The following ARHGEF7 variants were observed in gnomAD, a reference collection of about 807,000 sequenced individuals.
ARHGEF7 encodes Rho guanine nucleotide exchange factor 7.
Under a neutral mutation model 109.8 loss-of-function variants are expected in ARHGEF7, and 33 were observed. That is an observed-to-expected ratio of 0.30 (90% CI 0.23 to 0.40). The LOEUF is 0.40. Ranked by LOEUF, ARHGEF7 falls within the 10% of genes least tolerant of loss-of-function variation. The probability of loss-of-function intolerance (pLI) is 1.00; values close to 1 mark genes in which losing one functional copy is unlikely to be tolerated. For synonymous variants in ARHGEF7, 458 were observed against 424.6 expected (o/e 1.08, Z -0.97); for missense variants, 938 against 1,098.5 (o/e 0.85, Z 2.07).
intron 4 of ARHGEF7, among the ~76,000 whole-genome samples, chr13:111,211,961 C>T (rs923443598): frequency 2.6e-5 from 4 of 152,152 alleles, no homozygotes; most frequent in Non-Finnish European, 5.9e-5. Context: ...ACGCTTCCAT[C>T]CCCCAGGCGA....
At chr13:111,168,914 A>G (rs531351210) in intron 2 of ARHGEF7, among the ~76,000 whole-genome samples, 9 of 152,298 alleles carry the variant, frequency 5.9e-5, no homozygotes, top group Non-Finnish European at 1.2e-4. Context: ...TGCTTCTATA[A>G]TATGTTCTTT....
chr13:111,186,657 C>CA (rs1367667076), intron 2 of ARHGEF7, among the ~76,000 whole-genome samples: 1 of 152,178 alleles, frequency 6.6e-6, no homozygotes, highest in Non-Finnish European at 1.5e-5. Context: ...AGTGATAGGA[C>CA]AAAATTATAT....
rs140091441 is a variant in ARHGEF7, at chr13:111,161,277, C to T, written c.252+7286C>T. Among the ~76,000 whole-genome samples the T allele has an allele frequency of 4.3e-3, 650 of 152,244 alleles. 6 individuals are homozygous for T. Among genetic ancestry groups the T allele is most frequent in the African/African-American group, 0.015 (631 of 41,536 alleles). On this transcript the variant is annotated intron_variant, in intron 2 of 21. Coordinates refer to ENST00000646102, the MANE Select transcript of ARHGEF7 (RefSeq NM_001354046.2). ...TGACTTTGATCTTCAGCTGATTTCT[C>T]CTTTTTTGATTCAGGGTTATTGCTC... is the stretch of plus-strand genomic sequence containing the variant.
In ARHGEF7 at chr13:111,241,359, C is replaced by T. The variant is rs773676451; in HGVS notation, c.760-2513C>T. 92 of 1,535,640 alleles carry T rather than the reference C, an allele frequency of 6.0e-5. No individual in the cohort carries two copies. In the South Asian group the frequency reaches 8.2e-4, roughly 14 times the overall value. On this transcript the variant is annotated intron_variant, in intron 6 of 21. Coordinates refer to ENST00000646102, the MANE Select transcript of ARHGEF7 (RefSeq NM_001354046.2). The stretch of plus-strand genomic sequence containing the variant: ...GTGGTAAGTGGCACCCCCGGCTGCG[C>T]CCCGAGGTCAGGAAGGCCAGCAACC...
intron 5 of ARHGEF7, among the ~76,000 whole-genome samples, chr13:111,231,117 C>T (rs768291954): frequency 1.3e-5 from 2 of 152,116 alleles, no homozygotes; most frequent in Admixed American, 6.6e-5. Context: ...GGCTTATGAT[C>T]GCAGTGGCTG....
At chr13:111,260,918 T>G (rs1374436496) in intron 8 of ARHGEF7, among the ~76,000 whole-genome samples, 1 of 152,236 alleles carries the variant, frequency 6.6e-6, no homozygotes, top group Admixed American at 6.5e-5. Flanking sequence ...CAATCAATGT[T>G]GTCATTTAAA....
At chr13:111,199,016 A>G (rs1041817517) in intron 2 of ARHGEF7, among the ~76,000 whole-genome samples, 3 of 152,188 alleles carry the variant, frequency 2.0e-5, no homozygotes, top group African/African-American at 7.2e-5. Flanking sequence ...TTAGCTAGAC[A>G]CATAGTGCTG....
chr13:111,234,279 A>G (rs1330150809), intron 6 of ARHGEF7, among the ~76,000 whole-genome samples: 1 of 152,214 alleles, frequency 6.6e-6, no homozygotes, highest in Non-Finnish European at 1.5e-5. Context: ...GAGTCTGAGC[A>G]GCTCCACCAC....
At position 111,279,895 on chromosome 13, in the gene ARHGEF7, A is replaced by T. The variant is rs12867272; in HGVS notation, c.1507-377A>T. ...CTCTGCATTTCTTTACGAGGAAAAT[A>T]CATGGTTCTTTTCTGCAAAAACATC... On this transcript the variant is annotated intron_variant, in intron 13 of 21. Transcript: ENST00000646102. Among the ~76,000 whole-genome samples, 7 of 152,250 alleles carry T rather than the reference A, an allele frequency of 4.6e-5. 1 individual carries two copies. The highest frequency in any genetic ancestry group is 8.8e-5 in the Non-Finnish European group (6 of 68,048).
chr13:111,166,038 T>G (rs2077097474), intron 2 of ARHGEF7, among the ~76,000 whole-genome samples: 1 of 152,210 alleles, frequency 6.6e-6, no homozygotes, highest in African/African-American at 2.4e-5. Context: ...CTGTCACATC[T>G]GGTTCATCTT....
chr13:111,245,110 C>T (rs775422777), intron 8 of ARHGEF7, among the ~76,000 whole-genome samples: 42 of 152,196 alleles, frequency 2.8e-4, no homozygotes, highest in Non-Finnish European at 4.6e-4. Context: ...AGAATTGGGC[C>T]CTTCCTGTTG....
At chr13:111,241,186 G>T in intron 6 of ARHGEF7, 2 of 1,536,014 alleles carry the variant, frequency 1.3e-6, no homozygotes, top group South Asian at 1.2e-5. Context: ...TCAGCACTGT[G>T]GGTCGTAAAA....
chr13:111,302,204 C>G (rs1019909987), intron 21 of ARHGEF7, among the ~76,000 whole-genome samples: 1 of 152,166 alleles, frequency 6.6e-6, no homozygotes, highest in East Asian at 1.9e-4. Flanking sequence ...CAAGGGTGTT[C>G]TGGGTATTGC....
chr13:111,122,134 G>T (rs2067239815), intron 1 of ARHGEF7, among the ~76,000 whole-genome samples: 1 of 152,222 alleles, frequency 6.6e-6, no homozygotes, highest in African/African-American at 2.4e-5. Context: ...CCATTGTCTG[G>T]GTTGGTGGGC....
Position 111,272,595 on chromosome 13 carries a change from C to T in ARHGEF7, c.1074-1219C>T, listed in dbSNP as rs1336824076. Among the ~76,000 whole-genome samples the T allele has an allele frequency of 6.6e-6, 1 of 152,166 alleles. No homozygotes were observed. Among genetic ancestry groups the T allele is most frequent in the African/African-American group, 2.4e-5 (1 of 41,440 alleles). On this transcript the variant is annotated intron_variant, in intron 9 of 21. Transcript: ENST00000646102. The surrounding 1 kb of genome is among the most constrained non-coding windows in gnomAD (Gnocchi z 5.2). ...TGGGTATCATTTGAACCAAGCTCTG[C>T]TGACTAGAGACCCCTATCTTCTAGG...
Position 111,299,537 on chromosome 13 carries a change from T to A in ARHGEF7, c.2312-1211T>A, listed in dbSNP as rs1433015436. On this transcript the variant is annotated intron_variant, in intron 19 of 21. Transcript: ENST00000646102. ...TTTTGTATTTTTAGTAGAGACGGGG[T>A]TTCACCATGTTAACCAGGTTGGTCT... Among the ~76,000 whole-genome samples the A allele has an allele frequency of 2.6e-5, 4 of 151,742 alleles. No individual in the cohort carries two copies. In the East Asian group the frequency reaches 7.8e-4, roughly 29 times the overall value.
chr13:111,185,676 C>G (rs2079171941), intron 2 of ARHGEF7, among the ~76,000 whole-genome samples: 1 of 152,250 alleles, frequency 6.6e-6, no homozygotes, highest in South Asian at 2.1e-4. Context: ...CTGGCGACAG[C>G]CAGGCTGTTC....
intron 2 of ARHGEF7, among the ~76,000 whole-genome samples, chr13:111,173,726 A>C (rs571106081): frequency 6.6e-6 from 1 of 152,130 alleles, no homozygotes; most frequent in South Asian, 2.1e-4. Context: ...GCCTCTCCCC[A>C]CATTGAATGG....
At chr13:111,246,687 C>T (rs1430861611) in intron 8 of ARHGEF7, among the ~76,000 whole-genome samples, 1 of 152,126 alleles carries the variant, frequency 6.6e-6, no homozygotes, top group Non-Finnish European at 1.5e-5. Flanking sequence ...GAAAGAATAG[C>T]TTGGGAATCA....
Sources: allele counts gnomAD v4.1 joint callset (sites outside exome capture counted in the v4.1 genomes callset), GRCh38; gene constraint gnomAD v4.1.1; non-coding constraint Gnocchi (gnomAD v3.1); transcripts MANE v1.5; gene names NCBI Gene and HGNC (gene_info 2026-07-23, HGNC 2026-07-21).